The following CRNKL1 variants were observed in gnomAD, a reference collection of about 807,000 sequenced individuals.
CRNKL1 encodes crooked neck-like protein 1.
CRNKL1 carries 35 observed loss-of-function variants against 103.7 expected under a neutral mutation model. The ratio of observed to expected loss-of-function variants is 0.34; its 90% CI spans 0.26 to 0.45. The LOEUF (loss-of-function observed/expected upper bound fraction) is 0.45, where lower values mean the gene tolerates loss of function less well. Among genes scored for constraint, CRNKL1 ranks in the 20% least tolerant of loss-of-function variants. The pLI is 1.00. For synonymous variants in CRNKL1, 267 were observed against 282.6 expected (o/e 0.94, Z 0.55); for missense variants, 645 against 836.0 (o/e 0.77, Z 2.82).
Position 20,042,561 on chromosome 20 carries a change from CT to C in CRNKL1, c.973-46del, listed in dbSNP as rs771927496. On this transcript the variant is annotated intron_variant, in intron 7 of 13. Coordinates refer to ENST00000536226, the MANE Select transcript of CRNKL1 (RefSeq NM_001278628.2). ...AATAAATAAAAAACAAAACCAAGAG[CT>C]GCACTTGCCAGGTTAAGCAAGCTGA... 6.5e-6 allele frequency: 10 copies of C among 1,544,148 alleles called. No homozygotes were observed. The Admixed American group carries it at 2.0e-4, about 31-fold the overall frequency.
chr20:20,047,158 C>T (rs1476835934), intron 5 of CRNKL1, among the ~76,000 whole-genome samples: 1 of 152,154 alleles, frequency 6.6e-6, no homozygotes, highest in Admixed American at 6.5e-5. Context: ...CTTAGAAAAA[C>T]AGGACTGGCA....
At chr20:20,049,254 T>C (rs913468124) in intron 3 of CRNKL1, 86 bp downstream of exon 3, 21 of 805,990 alleles carry the variant, frequency 2.6e-5, no homozygotes, top group Non-Finnish European at 4.2e-5. Context: ...ATCTTTTACC[T>C]GTGCTTTAAC....
rs1416249241 is a variant in CRNKL1 at position 20,034,811 on chromosome 20, A to AAGAT, written c.*1380_*1383dup. The stretch of plus-strand genomic sequence containing the variant: ...TCCTCAAACACTGTTATTTATTTTC[A>AAGAT]AGATAAAATTTAGTAACAACATTAC... On this transcript the variant is annotated 3_prime_UTR_variant, in exon 14 of 14. Transcript: ENST00000536226. The AAGAT allele has an allele frequency of 6.6e-6, 1 of 152,240 alleles. No homozygotes were observed. The highest frequency in any genetic ancestry group is 2.4e-5 in the African/African-American group (1 of 41,466). 9.4% of individuals were successfully genotyped at this position (152,240 alleles called of 1,614,324 possible). A position where few individuals can be genotyped will look rare whatever the true frequency, so the allele number is the denominator to read the frequency against.
Position 20,042,330 on chromosome 20 carries a change from C to T in CRNKL1, c.1159G>A (p.Ala387Thr). 6.3e-7 allele frequency: 1 copy of T among 1,581,774 alleles called. No homozygotes were observed. The highest frequency in any genetic ancestry group is 1.2e-5 in the South Asian group (1 of 85,360). ...ACATAATTCTGTTTTTTCACCTTTG[C>T]CTCCAATTCTTCATAGAGTGCATAG... ...INYALYEELE[A>T]KDPERTRQVY... is the part of the protein sequence containing the mutation. The change falls in exon 8 of 14, where the codon GCA (alanine) becomes ACA (threonine). Residue 387 changes from alanine to threonine, a missense_variant. Coordinates refer to ENST00000536226, the MANE Select transcript of CRNKL1 (RefSeq NM_001278628.2).
chr20:20,039,562 C>G (rs1475178511), intron 11 of CRNKL1, 47 bp downstream of exon 11: 2 of 1,607,408 alleles, frequency 1.2e-6, no homozygotes, highest in Non-Finnish European at 1.7e-6. Flanking sequence ...TAAAGTAAGA[C>G]TAAACACGTA....
chr20:20,039,081 A>G lies in CRNKL1; in HGVS notation c.1545+528T>C, dbSNP rs76934516. Among the ~76,000 whole-genome samples, 1,508 of 152,344 alleles carry G rather than the reference A, an allele frequency of 9.9e-3. 34 individuals are homozygous for G. Among genetic ancestry groups the G allele is most frequent in the African/African-American group, 0.035 (1,451 of 41,574 alleles). ...GTCATGTTAGTGCATGAGATTAACA[A>G]AACGGCTGGGTGAGTTCTACGACTC... On this transcript the variant is annotated intron_variant, in intron 11 of 13. Transcript: ENST00000536226.
In CRNKL1 at chr20:20,038,393, G is replaced by A. The variant is rs780965619; in HGVS notation, c.1603C>T (p.Arg535Ter). 1.0e-5 allele frequency: 16 copies of A among 1,552,536 alleles called. No individual in the cohort carries two copies. The highest frequency in any genetic ancestry group is 1.2e-5 in the South Asian group (1 of 84,174). ...EIEQEETERT[R>*]NLYRRLLQRT... Reference sequence around the variant, plus strand: ...TGAAGCAACCGCCGGTAAAGGTTTCGTGTTCTTTCTGTTTCTTCCTGCTCA... The same window carrying A: ...TGAAGCAACCGCCGGTAAAGGTTTCATGTTCTTTCTGTTTCTTCCTGCTCA... The change falls in exon 12 of 14, where the codon CGA (arginine) becomes TGA (stop). Residue 535 changes from arginine (R) to a stop codon, truncating the protein, a stop_gained. Transcript: ENST00000536226. LOFTEE classifies it high-confidence loss of function.
intron 3 of CRNKL1, among the ~76,000 whole-genome samples, chr20:20,048,800 G>C (rs2043635711): frequency 6.6e-6 from 1 of 152,166 alleles, no homozygotes; most frequent in African/African-American, 2.4e-5. Context: ...TTGTAGAAAT[G>C]AGAACTTGAG....
upstream of CRNKL1, among the ~76,000 whole-genome samples, chr20:20,055,221 C>T (rs1203866271): frequency 2.6e-5 from 4 of 152,058 alleles, no homozygotes; most frequent in South Asian, 8.3e-4. Context: ...TATAAACATA[C>T]TTAGTTTGTA....
At chr20:20,043,440 A>T (rs2043546325) in intron 7 of CRNKL1, 52 bp downstream of exon 7, 5 of 1,548,186 alleles carry the variant, frequency 3.2e-6, no homozygotes, top group Non-Finnish European at 4.4e-6. Context: ...GCTAGTATTG[A>T]TGAGCACATC....
At chr20:20,052,498 C>T (rs754934321), upstream of CRNKL1, 1 of 1,614,250 alleles carries the variant, frequency 6.2e-7, no homozygotes, top group South Asian at 1.1e-5. Flanking sequence ...CTCGCTTGAG[C>T]CGTGACGGAG....
rs1052781795 is a variant in CRNKL1, at chr20:20,036,088, A to T, written c.*107T>A. 4 of 1,142,308 alleles carry T rather than the reference A, an allele frequency of 3.5e-6. No individual in the cohort carries two copies. Among genetic ancestry groups the T allele is most frequent in the Admixed American group, 2.5e-5 (1 of 39,976 alleles). 70.8% of individuals were successfully genotyped at this position (1,142,308 alleles called of 1,614,324 possible). A position where few individuals can be genotyped will look rare whatever the true frequency, so the allele number is the denominator to read the frequency against. On this transcript the variant is annotated 3_prime_UTR_variant, in exon 14 of 14. Coordinates refer to ENST00000536226, the MANE Select transcript of CRNKL1 (RefSeq NM_001278628.2). ...AACTTAAAAAGTAGCCATCAAAGAT[A>T]CCAATCAATTTCTTACTGGTGAAAT...
At chr20:20,046,119 A>C (rs1047585109) in intron 5 of CRNKL1, among the ~76,000 whole-genome samples, 2 of 152,206 alleles carry the variant, frequency 1.3e-5, no homozygotes, top group Non-Finnish European at 2.9e-5. Context: ...CAAAGTAGTA[A>C]TATATTCCAA....
chr20:20,048,803 A>T (rs896396907), intron 3 of CRNKL1, among the ~76,000 whole-genome samples: 3 of 152,148 alleles, frequency 2.0e-5, no homozygotes, highest in African/African-American at 7.2e-5. Context: ...TAGAAATGAG[A>T]ACTTGAGGAA....
At chr20:20,053,157 A>G (rs536973200), upstream of CRNKL1, among the ~76,000 whole-genome samples, 2 of 152,360 alleles carry the variant, frequency 1.3e-5, no homozygotes, top group South Asian at 2.1e-4. Flanking sequence ...CTAGGATTAA[A>G]GACAAATGCT....
chr20:20,052,567 G>T, upstream of CRNKL1: 1 of 1,613,930 alleles, frequency 6.2e-7, no homozygotes, highest in Non-Finnish European at 8.5e-7. Context: ...CGCGTGGAGT[G>T]CGGCGTCCTG....
rs770228658 is a variant in CRNKL1 at position 20,036,165 on chromosome 20, A to G, written c.*30T>C. On this transcript the variant is annotated 3_prime_UTR_variant, in exon 14 of 14. Coordinates refer to ENST00000536226, the MANE Select transcript of CRNKL1 (RefSeq NM_001278628.2). ...AGTTCCAAACAATTAATTTATAAAAATAACAAAACATTTGTCTATGAAAAA... is the reference window on the plus strand; with the variant it reads ...AGTTCCAAACAATTAATTTATAAAAGTAACAAAACATTTGTCTATGAAAAA... The G allele has an allele frequency of 1.3e-6, 2 of 1,598,688 alleles. No homozygotes were observed. Among genetic ancestry groups the G allele is most frequent in the East Asian group, 4.5e-5 (2 of 44,724 alleles).
chr20:20,044,130 C>T (rs952293356), intron 6 of CRNKL1, among the ~76,000 whole-genome samples: 9 of 152,188 alleles, frequency 5.9e-5, no homozygotes, highest in African/African-American at 1.7e-4. Flanking sequence ...CTCCCCAGCC[C>T]CCAGCCATCA....
upstream of CRNKL1, chr20:20,052,470 A>G (rs1568771362): frequency 1.2e-6 from 2 of 1,614,254 alleles, no homozygotes; most frequent in South Asian, 1.1e-5. Flanking sequence ...CGGAACTTGC[A>G]GGACTGACCT....
Sources: gnomAD v4.1 joint callset for allele counts (sites outside exome capture counted in the v4.1 genomes callset) on GRCh38, gnomAD v4.1.1 for gene constraint, MANE v1.5 for transcripts, NCBI Gene and HGNC (gene_info 2026-07-23, HGNC 2026-07-21) for gene names.